PCDHGA4: variants seen among roughly 807,000 people sequenced by gnomAD.
The protein encoded by PCDHGA4 is protocadherin gamma subfamily A, 4.
In PCDHGA4, 38 loss-of-function variants were observed where a neutral mutation model predicts 54.6. That is an observed-to-expected ratio of 0.70 (90% CI 0.54 to 0.91). PCDHGA4 has a LOEUF of 0.91. Ranked by LOEUF, PCDHGA4 falls within the 40% of genes least tolerant of loss-of-function variation. PCDHGA4 has a pLI of 0.00. For missense variants in PCDHGA4, 1,298 were observed against 1,220.9 expected (o/e 1.06, Z -0.94); for synonymous variants, 511 against 512.9 (o/e 1.00, Z 0.05).
At chr5:141,375,105 A>G (rs371346343) in intron 1 of PCDHGA4, 56 of 1,613,840 alleles carry the variant, frequency 3.5e-5, no homozygotes, top group East Asian at 3.1e-4. Context: ...TTGGATGTCA[A>G]TGATAATGTA....
rs752071139 is a variant in PCDHGA4 at position 141,422,722 on chromosome 5, G to A, written c.2514+65101G>A. ...CTCTCTGACGGATGACACTGTCCAG[G>A]GGGTGCCTCTGTCCTCCTATGTCTC... On this transcript the variant is annotated intron_variant, in intron 1 of 3. Coordinates refer to ENST00000571252, the MANE Select transcript of PCDHGA4 (RefSeq NM_018917.4). The A allele has an allele frequency of 2.4e-5, 39 of 1,605,774 alleles. No homozygotes were observed. In the South Asian group the frequency reaches 4.0e-4, roughly 17 times the overall value.
chr5:141,365,240 C>T, intron 1 of PCDHGA4: 1 of 1,613,976 alleles, frequency 6.2e-7, no homozygotes, highest in Non-Finnish European at 8.5e-7. Context: ...AATCTCAACT[C>T]TACAATCACT....
intron 1 of PCDHGA4, chr5:141,420,053 T>C (rs1178680836): frequency 3.1e-6 from 5 of 1,613,970 alleles, no homozygotes; most frequent in Non-Finnish European, 2.5e-6. Context: ...GTCAGTTCTC[T>C]GCTCCAAGTC....
intron 1 of PCDHGA4, chr5:141,393,073 C>A: frequency 1.2e-6 from 2 of 1,613,658 alleles, no homozygotes; most frequent in Non-Finnish European, 8.5e-7. Flanking sequence ...TTGATCACCG[C>A]GGGCAGGATA....
chr5:141,395,750 G>C (rs1308444906), intron 1 of PCDHGA4: 3 of 152,888 alleles, frequency 2.0e-5, no homozygotes, highest in African/African-American at 7.3e-5. Flanking sequence ...TCTTTTCTGA[G>C]CCCTGTTTCT....
At chr5:141,381,416 C>G (rs995030864) in intron 1 of PCDHGA4, among the ~76,000 whole-genome samples, 10 of 152,236 alleles carry the variant, frequency 6.6e-5, no homozygotes, top group African/African-American at 2.2e-4. Context: ...AGTGGAGAGA[C>G]GAGTACCTCT....
rs370432555 is a variant in PCDHGA4 at position 141,388,865 on chromosome 5, G to A, written c.2514+31244G>A. On this transcript the variant is annotated intron_variant, in intron 1 of 3. Transcript: ENST00000571252. Reference sequence around the variant, plus strand: ...CAAGGGACGGTGGAGGAATGATTGCGCAATGCACAGTGGAGGTAGAAGTCA... The same window carrying A: ...CAAGGGACGGTGGAGGAATGATTGCACAATGCACAGTGGAGGTAGAAGTCA... 10 of 1,613,808 alleles carry A rather than the reference G, an allele frequency of 6.2e-6. No homozygotes were observed. In the East Asian group the frequency reaches 6.7e-5, roughly 11 times the overall value.
intron 1 of PCDHGA4, among the ~76,000 whole-genome samples, chr5:141,363,558 AAT>A (rs1421241978): frequency 8.5e-5 from 13 of 152,396 alleles, no homozygotes; most frequent in Non-Finnish European, 1.9e-4. Flanking sequence ...TGAACATGGT[AAT>A]AGAAAAACAT....
intron 1 of PCDHGA4, chr5:141,371,270 C>A: frequency 6.2e-7 from 1 of 1,614,012 alleles, no homozygotes. Context: ...GACAACTGTT[C>A]AAGCTGGACA....
chr5:141,405,346 G>C (rs184640789), intron 1 of PCDHGA4: 4 of 1,614,108 alleles, frequency 2.5e-6, no homozygotes, highest in Non-Finnish European at 3.4e-6. Context: ...TTGATTCCAA[G>C]TTTCCTATAG....
chr5:141,418,681 C>T (rs778899235), intron 1 of PCDHGA4: 2 of 1,614,052 alleles, frequency 1.2e-6, no homozygotes, highest in Non-Finnish European at 1.7e-6. Flanking sequence ...AGGGCATCAA[C>T]TCAGAGATCA....
At chr5:141,473,066 A>G (rs1002054198) in intron 1 of PCDHGA4, among the ~76,000 whole-genome samples, 3 of 152,128 alleles carry the variant, frequency 2.0e-5, no homozygotes, top group African/African-American at 7.2e-5. Context: ...AACAAGTTAC[A>G]GCATCTTTGT....
chr5:141,413,043 C>A, intron 1 of PCDHGA4: 1 of 864,340 alleles, frequency 1.2e-6, no homozygotes, highest in Non-Finnish European at 1.7e-6. Flanking sequence ...TGCTGGGCTG[C>A]AGGGAAGCTC....
At chr5:141,399,309 C>G (rs2093783867) in intron 1 of PCDHGA4, 1 of 1,613,902 alleles carries the variant, frequency 6.2e-7, no homozygotes, top group Non-Finnish European at 8.5e-7. Context: ...TCTCTTCATC[C>G]AAAAATTCGT....
At position 141,477,961 on chromosome 5, in the gene PCDHGA4, C is replaced by T. The variant is rs199947431; in HGVS notation, c.2515-16846C>T. 21 of 1,614,048 alleles carry T rather than the reference C, an allele frequency of 1.3e-5. No homozygotes were observed. The Admixed American group carries it at 1.5e-4, about 12-fold the overall frequency. On this transcript the variant is annotated intron_variant, in intron 1 of 3. Coordinates refer to ENST00000571252, the MANE Select transcript of PCDHGA4 (RefSeq NM_018917.4). The surrounding 1 kb of genome is among the most constrained non-coding windows in gnomAD (Gnocchi z 4.9). Reference sequence around the variant, plus strand: ...CCTACAGTCTCTTGGGATCCCCTAACCAGAGCCTTTTTGCCATAGGGCTGC... The same window carrying T: ...CCTACAGTCTCTTGGGATCCCCTAATCAGAGCCTTTTTGCCATAGGGCTGC...
chr5:141,445,188 G>A (rs1267342449), intron 1 of PCDHGA4, among the ~76,000 whole-genome samples: 5 of 152,198 alleles, frequency 3.3e-5, no homozygotes, highest in South Asian at 2.1e-4. Flanking sequence ...ATGTTTTTAT[G>A]TATTCTATAT....
chr5:141,482,859 G>A (rs1371172226), intron 1 of PCDHGA4, among the ~76,000 whole-genome samples: 3 of 148,230 alleles, frequency 2.0e-5, no homozygotes, highest in Admixed American at 6.7e-5. Flanking sequence ...ATCACTTGAG[G>A]TCAGGAGTTT....
intron 1 of PCDHGA4, among the ~76,000 whole-genome samples, chr5:141,434,700 G>A (rs1041657389): frequency 6.6e-6 from 1 of 151,780 alleles, no homozygotes; most frequent in Non-Finnish European, 1.5e-5. Context: ...TAATAAATAT[G>A]TGGGTAAATC....
rs1260981096 is a variant in PCDHGA4 at position 141,374,541 on chromosome 5, C to T, written c.2514+16920C>T. On this transcript the variant is annotated intron_variant, in intron 1 of 3. Coordinates refer to ENST00000571252, the MANE Select transcript of PCDHGA4 (RefSeq NM_018917.4). Reference sequence around the variant, plus strand: ...AACGCAGCTCCATCCTCTCGTTTTCCACTAATGGAGGTCTATGACCCTGAT... The same window carrying T: ...AACGCAGCTCCATCCTCTCGTTTTCTACTAATGGAGGTCTATGACCCTGAT... 6.8e-6 allele frequency: 11 copies of T among 1,613,170 alleles called. No individual in the cohort carries two copies. Among genetic ancestry groups the T allele is most frequent in the Non-Finnish European group, 9.3e-6 (11 of 1,179,374 alleles).
Sources: gnomAD v4.1 joint callset for allele counts (sites outside exome capture counted in the v4.1 genomes callset) on GRCh38, gnomAD v4.1.1 for gene constraint, Gnocchi (gnomAD v3.1) non-coding constraint, MANE v1.5 for transcripts, NCBI Gene and HGNC (gene_info 2026-07-23, HGNC 2026-07-21) for gene names.